SFMBT2: variants seen among roughly 807,000 people sequenced by gnomAD.
SFMBT2 encodes the protein scm-like with four MBT domains protein 2.
SFMBT2 carries 38 observed loss-of-function variants against 110.1 expected under a neutral mutation model. The observed-to-expected ratio is 0.35, with a 90% CI of 0.27 to 0.45. The LOEUF (loss-of-function observed/expected upper bound fraction) is 0.45. Among genes scored for constraint, SFMBT2 ranks in the 20% least tolerant of loss-of-function variants. The pLI is 1.00. For missense variants in SFMBT2, 1,011 were observed against 1,094.9 expected, an observed-to-expected ratio of 0.92 and a Z score of 1.08; for synonymous variants, 425 against 425.4, an observed-to-expected ratio of 1.00 and a Z score of 0.01.
At chr10:7,189,239 A>G in intron 15 of SFMBT2, 1 of 913,576 alleles carries the variant, frequency 1.1e-6, no homozygotes, top group Non-Finnish European at 1.3e-6. Context: ...GGCTCAATTC[A>G]TGGACATTTA....
intron 4 of SFMBT2, among the ~76,000 whole-genome samples, chr10:7,311,730 A>G (rs1467999252): frequency 2.0e-5 from 3 of 152,230 alleles, no homozygotes; most frequent in Non-Finnish European, 4.4e-5. Context: ...GATTATGTAG[A>G]TAAAATACAT....
chr10:7,243,301 G>A (rs962773429), intron 9 of SFMBT2, among the ~76,000 whole-genome samples: 25 of 152,190 alleles, frequency 1.6e-4, no homozygotes, highest in Admixed American at 3.3e-4. Context: ...CTACACAATA[G>A]CAGCACATCT....
chr10:7,315,366 CA>C (rs1842982574), intron 4 of SFMBT2, among the ~76,000 whole-genome samples: 1 of 152,250 alleles, frequency 6.6e-6, no homozygotes, highest in African/African-American at 2.4e-5. Context: ...GATCCACCCC[CA>C]AGTGAGGGAG....
At chr10:7,393,268 T>A (rs1008309922) in intron 1 of SFMBT2, among the ~76,000 whole-genome samples, 2 of 151,900 alleles carry the variant, frequency 1.3e-5, no homozygotes, top group African/African-American at 4.8e-5. Context: ...TGACCTCAGG[T>A]GATCCACCCG....
chr10:7,224,982 A>G (rs1007009942), intron 10 of SFMBT2, among the ~76,000 whole-genome samples: 6 of 152,242 alleles, frequency 3.9e-5, no homozygotes, highest in African/African-American at 1.2e-4. Flanking sequence ...ATGCATGTTA[A>G]GAAATCAACT....
chr10:7,307,533 T>G (rs530838748), intron 4 of SFMBT2, among the ~76,000 whole-genome samples: 37 of 152,122 alleles, frequency 2.4e-4, no homozygotes, highest in African/African-American at 8.0e-4. Context: ...AATAGACAAA[T>G]CCAATTAATG....
chr10:7,195,201 G>A (rs966271409), intron 15 of SFMBT2, among the ~76,000 whole-genome samples: 5 of 152,200 alleles, frequency 3.3e-5, no homozygotes, highest in African/African-American at 1.2e-4. Context: ...TCCTATTTCC[G>A]ATGGTGGCAG....
At chr10:7,309,368 C>A (rs556108810) in intron 4 of SFMBT2, among the ~76,000 whole-genome samples, 1 of 152,318 alleles carries the variant, frequency 6.6e-6, no homozygotes, top group African/African-American at 2.4e-5. Context: ...TACACATTGT[C>A]CAGGTCTGCT....
chr10:7,369,398 T>C (rs1845000895), intron 3 of SFMBT2, among the ~76,000 whole-genome samples: 1 of 152,218 alleles, frequency 6.6e-6, no homozygotes, highest in Admixed American at 6.5e-5. Flanking sequence ...AGAACCCAGG[T>C]GAGTTAGACT....
chr10:7,407,621 G>A (rs1170257488), intron 1 of SFMBT2, among the ~76,000 whole-genome samples: 1 of 152,178 alleles, frequency 6.6e-6, no homozygotes, highest in Non-Finnish European at 1.5e-5. Context: ...GAAGTCGGGC[G>A]GCCGATCGTC....
At chr10:7,180,128 TTTTGC>T (rs1838201031) in intron 16 of SFMBT2, among the ~76,000 whole-genome samples, 1 of 151,084 alleles carries the variant, frequency 6.6e-6, no homozygotes, top group African/African-American at 2.4e-5. Flanking sequence ...GTTTGCTTTT[TTTTGC>T]TTTTTTTGAG....
At chr10:7,370,223 T>C (rs942297587) in intron 3 of SFMBT2, 58 bp downstream of exon 3, 6 of 1,483,030 alleles carry the variant, frequency 4.0e-6, no homozygotes, top group Middle Eastern at 1.7e-4. Flanking sequence ...CTTCTCCCTA[T>C]AGATTCCTTC....
rs1014388059 is a variant in SFMBT2 at position 7,171,094 on chromosome 10, A to G, written c.2416-38T>C. The stretch of plus-strand genomic sequence containing the variant: ...GGCAGGAGGAGCTCAGCTGCGGCAC[A>G]GTCAGCTGGCTGGGTCCTCTCCAGC... On this transcript the variant is annotated intron_variant, in intron 19 of 20. Transcript: ENST00000397167. This position sits in a 1 kb window ranked among gnomAD's most constrained non-coding sequence, Gnocchi z 4.9. 12 of 1,613,124 alleles carry G rather than the reference A, an allele frequency of 7.4e-6. 1 individual carries two copies. The African/African-American group carries it at 1.1e-4, about 14-fold the overall frequency.
chr10:7,176,347 G>T, intron 16 of SFMBT2, 182 bp from the exon 17 acceptor site: 1 of 571,716 alleles, frequency 1.7e-6, no homozygotes, highest in Non-Finnish European at 2.2e-6. Context: ...TCACTAGTGT[G>T]CAACAAATGT....
chr10:7,380,062 A>G (rs1403111067), intron 2 of SFMBT2, among the ~76,000 whole-genome samples: 1 of 152,248 alleles, frequency 6.6e-6, no homozygotes, highest in Admixed American at 6.5e-5. Context: ...TGCAGATGAT[A>G]TACTACAAAA....
intron 7 of SFMBT2, among the ~76,000 whole-genome samples, chr10:7,259,191 G>T (rs1213169638): frequency 6.6e-6 from 1 of 152,222 alleles, no homozygotes; most frequent in African/African-American, 2.4e-5. Flanking sequence ...CCACCCAGCA[G>T]TCTGAGCTTC....
chr10:7,214,066 C>CAGGAAAGGGCAAGCATTGCCATG (rs144646247), intron 11 of SFMBT2, among the ~76,000 whole-genome samples: 2 of 151,882 alleles, frequency 1.3e-5, no homozygotes, highest in African/African-American at 2.4e-5. Flanking sequence ...GAGGAGCAAC[C>CAGGAAAGGGCAAGCATTGCCATG]AGGAAAGGAG....
At chr10:7,205,554 G>A (rs1233596339) in intron 12 of SFMBT2, 11 of 985,252 alleles carry the variant, frequency 1.1e-5, no homozygotes, top group Non-Finnish European at 1.3e-5. Flanking sequence ...ATAAAAAACT[G>A]AGAGTGATGA....
intron 4 of SFMBT2, among the ~76,000 whole-genome samples, chr10:7,296,032 A>G (rs1025243917): frequency 1.3e-5 from 2 of 152,194 alleles, no homozygotes; most frequent in Non-Finnish European, 2.9e-5. Flanking sequence ...AAAGCACACA[A>G]CTCACACCAC....
Sources: gnomAD v4.1 joint callset for allele counts (sites outside exome capture counted in the v4.1 genomes callset) on GRCh38, gnomAD v4.1.1 for gene constraint, Gnocchi (gnomAD v3.1) non-coding constraint, MANE v1.5 for transcripts, NCBI Gene and HGNC (gene_info 2026-07-23, HGNC 2026-07-21) for gene names.